Variants in PKIB observed in about 807,000 individuals in gnomAD.
PKIB encodes PKI-beta.
PKIB carries 2 observed loss-of-function variants against 4.5 expected under a neutral mutation model. That is an observed-to-expected ratio of 0.44 (90% confidence interval 0.18 to 1.39). PKIB has a LOEUF of 1.39. Among genes scored for constraint, PKIB ranks in the 40% most tolerant of loss-of-function variants. The probability of loss-of-function intolerance (pLI) is 0.27; values close to 1 mark genes in which losing one functional copy is unlikely to be tolerated. For missense variants in PKIB, 94 were observed against 92.6 expected (o/e 1.02, Z -0.06); for synonymous variants, 38 against 36.0 (o/e 1.06, Z -0.20).
chr6:122,485,581 G>A (rs1775743845), intron 2 of PKIB, among the ~76,000 whole-genome samples: 1 of 152,184 alleles, frequency 6.6e-6, no homozygotes, highest in African/African-American at 2.4e-5. Context: ...CAGGATCTAA[G>A]GGAAGCACAC....
intron 4 of PKIB, among the ~76,000 whole-genome samples, chr6:122,720,458 T>C (rs1008622829): frequency 2.6e-5 from 4 of 151,946 alleles, no homozygotes; most frequent in African/African-American, 9.7e-5. Flanking sequence ...ATGAATTGGA[T>C]GTGGCAGAGA....
chr6:122,513,540 G>C (rs900064384), intron 2 of PKIB, among the ~76,000 whole-genome samples: 41 of 152,168 alleles, frequency 2.7e-4, no homozygotes, highest in Non-Finnish European at 2.9e-4. Flanking sequence ...TACATTGTGT[G>C]GTGTTGAGGT....
chr6:122,693,133 C>T (rs1337357765), intron 3 of PKIB, among the ~76,000 whole-genome samples: 1 of 152,128 alleles, frequency 6.6e-6, no homozygotes, highest in Non-Finnish European at 1.5e-5. Context: ...AAATGTAGAA[C>T]ATTCTATCCT....
At chr6:122,535,156 A>G (rs555597367) in intron 2 of PKIB, among the ~76,000 whole-genome samples, 3 of 152,142 alleles carry the variant, frequency 2.0e-5, no homozygotes, top group African/African-American at 7.2e-5. Context: ...CGTCTGCAGA[A>G]CAAGTTTGGT....
At chr6:122,549,718 C>T (rs76632410) in intron 2 of PKIB, among the ~76,000 whole-genome samples, 14,136 of 151,562 alleles carry the variant, frequency 0.093, 809 homozygotes, top group South Asian at 0.15. Flanking sequence ...TAACAAAATA[C>T]AGTAATTTCC....
chr6:122,697,630 C>T (rs1778629030), intron 3 of PKIB, among the ~76,000 whole-genome samples: 1 of 152,018 alleles, frequency 6.6e-6, no homozygotes, highest in Non-Finnish European at 1.5e-5. Context: ...GCAGTGGTGA[C>T]ATCAAGGGGG....
intron 1 of PKIB, among the ~76,000 whole-genome samples, chr6:122,625,043 T>C (rs1410459331): frequency 6.6e-6 from 1 of 152,152 alleles, no homozygotes. Flanking sequence ...AGACTTTGAG[T>C]CAACTTTACT....
chr6:122,479,096 C>T (rs887885919), intron 2 of PKIB: 3 of 152,144 alleles, frequency 2.0e-5, no homozygotes, highest in African/African-American at 7.3e-5. Flanking sequence ...TAATCAGTCC[C>T]GATGAGATGA....
chr6:122,539,775 C>T (rs1432724154), intron 2 of PKIB, among the ~76,000 whole-genome samples: 1 of 152,054 alleles, frequency 6.6e-6, no homozygotes, highest in East Asian at 1.9e-4. Flanking sequence ...CCTCCTTGTA[C>T]CTCTGGTAGA....
intron 2 of PKIB, among the ~76,000 whole-genome samples, chr6:122,562,009 T>TTTTTTTTTTTTTTTTTTTTC (rs1773046397): frequency 1.4e-5 from 2 of 144,816 alleles, no homozygotes; most frequent in Admixed American, 7.0e-5. Context: ...TTTTTGTTTT[T>TTTTTTTTTTTTTTTTTTTTC]TTTTTTTTTT....
At chr6:122,620,962 A>G (rs1267172750) in intron 1 of PKIB, among the ~76,000 whole-genome samples, 1 of 151,976 alleles carries the variant, frequency 6.6e-6, no homozygotes, top group Non-Finnish European at 1.5e-5. Flanking sequence ...CCACCTTTTG[A>G]TGATTTACTT....
chr6:122,690,974 G>A (rs1267817412), intron 3 of PKIB, among the ~76,000 whole-genome samples: 4 of 142,630 alleles, frequency 2.8e-5, no homozygotes, highest in East Asian at 2.0e-4. Flanking sequence ...TAGGGTAAAA[G>A]GTTTTTTTCC....
chr6:122,687,727 G>T (rs1015900257), intron 3 of PKIB, among the ~76,000 whole-genome samples: 2 of 152,072 alleles, frequency 1.3e-5, no homozygotes, highest in Non-Finnish European at 2.9e-5. Context: ...TATGGTAAAT[G>T]AAATTACTTT....
chr6:122,667,710 T>C (rs903369951), intron 2 of PKIB, among the ~76,000 whole-genome samples: 1 of 152,186 alleles, frequency 6.6e-6, no homozygotes, highest in African/African-American at 2.4e-5. Flanking sequence ...TTATTGAGGC[T>C]TTGCAAGCAA....
chr6:122,682,316 T>C (rs1167582970), intron 3 of PKIB, among the ~76,000 whole-genome samples: 1 of 152,084 alleles, frequency 6.6e-6, no homozygotes. Context: ...TTTGCCAACA[T>C]GGGGGTCCTG....
At chr6:122,580,729 C>T (rs1773678788) in intron 2 of PKIB, among the ~76,000 whole-genome samples, 1 of 152,070 alleles carries the variant, frequency 6.6e-6, no homozygotes, top group Non-Finnish European at 1.5e-5. Flanking sequence ...CCCAGCATAC[C>T]ACCTTCCCCC....
chr6:122,718,098 G>C (rs1779575682), intron 4 of PKIB, 135 bp downstream of exon 4: 3 of 871,194 alleles, frequency 3.4e-6, no homozygotes, highest in South Asian at 3.8e-5. Context: ...CTCAGCTTTT[G>C]TTTAAGGCTT....
intron 2 of PKIB, among the ~76,000 whole-genome samples, chr6:122,560,609 A>G (rs192223774): frequency 6.6e-6 from 1 of 152,210 alleles, no homozygotes; most frequent in Non-Finnish European, 1.5e-5. Context: ...TGTCAAAAGG[A>G]TTGATACCAA....
chr6:122,611,587 T>A (rs1443690015), intron 1 of PKIB, among the ~76,000 whole-genome samples: 1 of 152,240 alleles, frequency 6.6e-6, no homozygotes, highest in Non-Finnish European at 1.5e-5. Flanking sequence ...TTAGAAATAT[T>A]GCGAGTATTG....
Sources: allele counts gnomAD v4.1 joint callset (sites outside exome capture counted in the v4.1 genomes callset), GRCh38; gene constraint gnomAD v4.1.1; transcripts MANE v1.5; gene names NCBI Gene and HGNC (gene_info 2026-07-23, HGNC 2026-07-21).